The following CNTN1 variants were observed in gnomAD, a reference collection of about 807,000 sequenced individuals.
CNTN1 encodes contactin 1.
CNTN1 carries 38 observed loss-of-function variants against 126.4 expected under a neutral mutation model. The ratio of observed to expected loss-of-function variants is 0.30; its 90% CI spans 0.23 to 0.39. CNTN1 has a LOEUF of 0.39. Ranked by LOEUF, CNTN1 falls within the 10% of genes least tolerant of loss-of-function variation. The probability of loss-of-function intolerance (pLI) is 1.00; values close to 1 mark genes in which losing one functional copy is unlikely to be tolerated. For synonymous variants in CNTN1, 413 were observed against 422.6 expected (o/e 0.98, Z 0.28); for missense variants, 1,009 against 1,248.4 (o/e 0.81, Z 2.89).
At chr12:40,938,485 T>A (rs1328558085) in intron 11 of CNTN1, among the ~76,000 whole-genome samples, 1 of 152,322 alleles carries the variant, frequency 6.6e-6, no homozygotes, top group South Asian at 2.1e-4. Context: ...GAAAAGTACA[T>A]GCTTTGGAAA....
At chr12:40,702,531 G>A (rs933303358) in intron 1 of CNTN1, among the ~76,000 whole-genome samples, 5 of 152,022 alleles carry the variant, frequency 3.3e-5, no homozygotes, top group Admixed American at 3.3e-4. Context: ...CGCAACCTCT[G>A]CCTCCCAGGT....
intron 1 of CNTN1, among the ~76,000 whole-genome samples, chr12:40,774,639 T>C (rs1939504647): frequency 6.6e-6 from 1 of 151,656 alleles, no homozygotes; most frequent in Non-Finnish European, 1.5e-5. Flanking sequence ...TCCTCTCCAG[T>C]GTAATTTCAT....
intron 1 of CNTN1, among the ~76,000 whole-genome samples, chr12:40,781,357 A>T (rs935736004): frequency 1.3e-5 from 2 of 151,998 alleles, no homozygotes; most frequent in Non-Finnish European, 2.9e-5. Context: ...CTCTTTGGAC[A>T]TCTGTCTTGA....
intron 11 of CNTN1, 71 bp from the exon 12 acceptor site, chr12:40,939,264 T>TC: frequency 1.3e-6 from 2 of 1,525,424 alleles, no homozygotes; most frequent in South Asian, 2.3e-5. Context: ...AATAAAAGAT[T>TC]CTACAACACA....
chr12:41,016,874 G>A lies in CNTN1; in HGVS notation c.2377G>A (p.Gly793Arg). ...CAAGGCCTTCAACAACAAAGGAGAT[G>A]GACCTTACAGCCTAGTAGCAGTCAT... is the stretch of plus-strand genomic sequence containing the variant. Reference protein sequence around the residue: ...KVKAFNNKGDGPYSLVAVINS... With the variant: ...KVKAFNNKGDRPYSLVAVINS... Residue 793 changes from glycine to arginine, a missense_variant, in exon 19 of 24, where the codon GGA becomes AGA. Coordinates refer to ENST00000551295, the MANE Select transcript of CNTN1 (RefSeq NM_001843.4). The A allele has an allele frequency of 6.2e-7, 1 of 1,614,114 alleles. No individual in the cohort carries two copies.
At chr12:41,031,254 T>G (rs1396467570) in intron 23 of CNTN1, among the ~76,000 whole-genome samples, 1 of 152,216 alleles carries the variant, frequency 6.6e-6, no homozygotes, top group Non-Finnish European at 1.5e-5. Flanking sequence ...TTATAATGTT[T>G]GCCTGTTTCT....
intron 15 of CNTN1, among the ~76,000 whole-genome samples, chr12:40,968,594 G>T (rs1947386900): frequency 6.6e-6 from 1 of 151,958 alleles, no homozygotes; most frequent in African/African-American, 2.4e-5. Context: ...AGTTCATTCA[G>T]AATATTTAAA....
At chr12:40,789,001 T>C (rs371247384) in intron 1 of CNTN1, among the ~76,000 whole-genome samples, 3 of 152,206 alleles carry the variant, frequency 2.0e-5, no homozygotes, top group African/African-American at 7.2e-5. Flanking sequence ...CATGAGATTA[T>C]AGAATCTATA....
chr12:40,777,494 G>A (rs1374775144), intron 1 of CNTN1, among the ~76,000 whole-genome samples: 1 of 151,544 alleles, frequency 6.6e-6, no homozygotes, highest in African/African-American at 2.4e-5. Context: ...AAGTCTTCAG[G>A]GTCAGCACAG....
chr12:41,020,220 T>C, intron 19 of CNTN1, 117 bp from the exon 20 acceptor site: 1 of 644,468 alleles, frequency 1.6e-6, no homozygotes, highest in Non-Finnish European at 2.7e-6. Flanking sequence ...GTAAAGCTAT[T>C]TTAGAAACAT....
chr12:40,774,696 T>A (rs924782628), intron 1 of CNTN1, among the ~76,000 whole-genome samples: 1 of 151,566 alleles, frequency 6.6e-6, no homozygotes, highest in Non-Finnish European at 1.5e-5. Flanking sequence ...CAATATATAA[T>A]TTAGCTATTA....
chr12:40,911,837 C>T lies in CNTN1; in HGVS notation c.94+1732C>T, dbSNP rs546253000. Among the ~76,000 whole-genome samples the T allele has an allele frequency of 3.3e-5, 5 of 152,256 alleles. No individual in the cohort carries two copies. The East Asian group carries it at 9.7e-4, about 29-fold the overall frequency. ...GTCACACATTCACCAACAAGCCCAT[C>T]GCTAGCAAGAGTAATGGCATCACTC... On this transcript the variant is annotated intron_variant, in intron 3 of 23. Coordinates refer to ENST00000551295, the MANE Select transcript of CNTN1 (RefSeq NM_001843.4).
At chr12:40,906,371 A>AATTTTTTTT (rs1229002558) in intron 1 of CNTN1, among the ~76,000 whole-genome samples, 1 of 152,162 alleles carries the variant, frequency 6.6e-6, no homozygotes, top group Non-Finnish European at 1.5e-5. Context: ...AAAAATTTAA[A>AATTTTTTTT]ATTTCAGGCT....
intron 1 of CNTN1, among the ~76,000 whole-genome samples, chr12:40,772,838 C>A (rs978565413): frequency 6.6e-6 from 1 of 151,780 alleles, no homozygotes; most frequent in African/African-American, 2.4e-5. Context: ...AGCATGGGGA[C>A]AGTGAGACTA....
chr12:40,962,508 T>A (rs187405216), intron 15 of CNTN1, among the ~76,000 whole-genome samples: 1 of 152,136 alleles, frequency 6.6e-6, no homozygotes, highest in Non-Finnish European at 1.5e-5. Context: ...TCTGATTTCA[T>A]GGGGCCTTTT....
At chr12:41,063,683 T>C (rs540711076) in intron 23 of CNTN1, among the ~76,000 whole-genome samples, 14 of 152,276 alleles carry the variant, frequency 9.2e-5, no homozygotes, top group African/African-American at 3.4e-4. Context: ...TCCAAACTAG[T>C]TCAATCAAAG....
intron 1 of CNTN1, among the ~76,000 whole-genome samples, chr12:40,826,001 TA>T (rs1433028864): frequency 6.6e-6 from 1 of 152,172 alleles, no homozygotes; most frequent in Non-Finnish European, 1.5e-5. Flanking sequence ...TGAGAAACGA[TA>T]TTGGCTTTCC....
At chr12:41,055,123 G>A (rs1308262600) in intron 23 of CNTN1, among the ~76,000 whole-genome samples, 1 of 152,086 alleles carries the variant, frequency 6.6e-6, no homozygotes, top group Non-Finnish European at 1.5e-5. Context: ...GATAAAATAT[G>A]TTGAAGTTTT....
chr12:40,779,022 A>C (rs1939693816), intron 1 of CNTN1, among the ~76,000 whole-genome samples: 1 of 144,228 alleles, frequency 6.9e-6, no homozygotes, highest in Admixed American at 7.0e-5. Context: ...GTTATGGAAA[A>C]ATATGAACAG....
Sources: gnomAD v4.1 joint callset for allele counts (sites outside exome capture counted in the v4.1 genomes callset) on GRCh38, gnomAD v4.1.1 for gene constraint, MANE v1.5 for transcripts, NCBI Gene and HGNC (gene_info 2026-07-23, HGNC 2026-07-21) for gene names.